MTUS2: variants seen among roughly 807,000 people sequenced by gnomAD.
MTUS2 encodes microtubule associated scaffold protein 2.
In MTUS2, 40 loss-of-function variants were observed where a neutral mutation model predicts 114.1. That is an observed-to-expected ratio of 0.35 (90% CI 0.27 to 0.46). The LOEUF is 0.46. Ranked by LOEUF, MTUS2 falls within the 20% of genes least tolerant of loss-of-function variation. The pLI, the probability that MTUS2 is intolerant of heterozygous loss-of-function variation, is 1.00. For missense variants in MTUS2, 1,679 were observed against 1,705.4 expected (o/e 0.98, Z 0.27); for synonymous variants, 688 against 672.0 (o/e 1.02, Z -0.37).
At chr13:29,014,888 G>C (rs1214941618) in intron 2 of MTUS2, among the ~76,000 whole-genome samples, 2 of 152,212 alleles carry the variant, frequency 1.3e-5, no homozygotes, top group African/African-American at 4.8e-5. Context: ...AAGTCCGGGA[G>C]CATGGTAGGA....
At chr13:29,417,586 G>A (rs1875759400) in intron 8 of MTUS2, among the ~76,000 whole-genome samples, 1 of 151,782 alleles carries the variant, frequency 6.6e-6, no homozygotes, top group Non-Finnish European at 1.5e-5. Context: ...CTTACTCTGG[G>A]CACCTTGTAA....
At chr13:28,935,018 T>G (rs903106907) in intron 2 of MTUS2, among the ~76,000 whole-genome samples, 8 of 145,896 alleles carry the variant, frequency 5.5e-5, no homozygotes, top group Non-Finnish European at 9.0e-5. Flanking sequence ...TTTTTTTTTT[T>G]TTTTTTTTTT....
At position 29,262,421 on chromosome 13, in the gene MTUS2, A is replaced by G. The variant is rs148921084; in HGVS notation, c.2645-19283A>G. ...TATTTCCCCTGTTTCCTGAAAAGAA[A>G]TAAGAAAGATGACTCTTTTTGTCAT... On this transcript the variant is annotated intron_variant, in intron 5 of 15. Transcript: ENST00000612955. Among the ~76,000 whole-genome samples the G allele has an allele frequency of 4.2e-3, 645 of 152,252 alleles. 4 individuals are homozygous for G. Among genetic ancestry groups the G allele is most frequent in the African/African-American group, 0.015 (625 of 41,528 alleles).
intron 2 of MTUS2, among the ~76,000 whole-genome samples, chr13:28,967,569 C>G (rs1436596882): frequency 6.6e-6 from 1 of 152,184 alleles, no homozygotes; most frequent in East Asian, 1.9e-4. Flanking sequence ...AAGCTTCTAT[C>G]AAGTTGTTGG....
chr13:29,419,697 G>C (rs1015416526), intron 8 of MTUS2, among the ~76,000 whole-genome samples: 7 of 152,186 alleles, frequency 4.6e-5, no homozygotes, highest in Non-Finnish European at 8.8e-5. Context: ...TTTTGTGTTT[G>C]AGTTTCAGCA....
At chr13:29,060,388 T>C (rs1257001317) in intron 4 of MTUS2, among the ~76,000 whole-genome samples, 2 of 151,718 alleles carry the variant, frequency 1.3e-5, no homozygotes, top group Non-Finnish European at 2.9e-5. Flanking sequence ...TCTCACTCAC[T>C]CACTCTTTCC....
chr13:29,056,668 A>AT (rs1278472938), intron 4 of MTUS2, among the ~76,000 whole-genome samples: 3 of 151,392 alleles, frequency 2.0e-5, no homozygotes, highest in Admixed American at 1.3e-4. Context: ...CCCCTTTATC[A>AT]TTTCTTGTTG....
At chr13:28,977,518 C>A (rs142246555) in intron 2 of MTUS2, among the ~76,000 whole-genome samples, 1 of 152,108 alleles carries the variant, frequency 6.6e-6, no homozygotes, top group Non-Finnish European at 1.5e-5. Flanking sequence ...ATATAACCTA[C>A]GAGGTAATTG....
intron 8 of MTUS2, among the ~76,000 whole-genome samples, chr13:29,438,579 C>T (rs1335287015): frequency 1.3e-5 from 2 of 152,020 alleles, no homozygotes; most frequent in African/African-American, 2.4e-5. Context: ...AGGGCTCCAC[C>T]CTCATGACCT....
chr13:29,429,880 A>G (rs1876858667), intron 8 of MTUS2, among the ~76,000 whole-genome samples: 1 of 152,224 alleles, frequency 6.6e-6, no homozygotes, highest in African/African-American at 2.4e-5. Flanking sequence ...CTTAGTTACC[A>G]GTCTGCTTAT....
At chr13:29,241,902 G>C (rs1566086465) in intron 5 of MTUS2, among the ~76,000 whole-genome samples, 1 of 152,100 alleles carries the variant, frequency 6.6e-6, no homozygotes, top group Non-Finnish European at 1.5e-5. Flanking sequence ...TCTGAGAGGT[G>C]TGCTGTAGTT....
intron 8 of MTUS2, among the ~76,000 whole-genome samples, chr13:29,432,060 C>T (rs1877038325): frequency 6.7e-6 from 1 of 148,480 alleles, no homozygotes; most frequent in Admixed American, 6.7e-5. Context: ...GCTATATTGC[C>T]CAAGTTTGTC....
chr13:29,389,508 CGTGTGT>C (rs1233462818), intron 8 of MTUS2, among the ~76,000 whole-genome samples: 5 of 69,612 alleles, frequency 7.2e-5, no homozygotes, highest in Non-Finnish European at 1.5e-4. Context: ...TATGTATACA[CGTGTGT>C]GTATGTGTAT....
intron 2 of MTUS2, among the ~76,000 whole-genome samples, chr13:28,908,061 A>AG: frequency 6.6e-6 from 1 of 151,576 alleles, no homozygotes; most frequent in South Asian, 2.1e-4. Flanking sequence ...GGTTTATCCC[A>AG]TTTGGAATCC....
intron 5 of MTUS2, among the ~76,000 whole-genome samples, chr13:29,216,373 G>A (rs1018124112): frequency 6.6e-6 from 1 of 152,158 alleles, no homozygotes; most frequent in Non-Finnish European, 1.5e-5. Flanking sequence ...CCCTTTCCAG[G>A]GGGAGTGAAT....
At chr13:29,385,074 G>C (rs560311790) in intron 8 of MTUS2, among the ~76,000 whole-genome samples, 1 of 152,332 alleles carries the variant, frequency 6.6e-6, no homozygotes, top group Admixed American at 6.5e-5. Flanking sequence ...CCAGAGTTCA[G>C]CAGGGAGCAA....
chr13:29,194,968 C>A (rs1195341516), intron 5 of MTUS2, among the ~76,000 whole-genome samples: 1 of 149,890 alleles, frequency 6.7e-6, no homozygotes, highest in Non-Finnish European at 1.5e-5. Context: ...AATTGGAAAT[C>A]ATCATTCTCA....
At chr13:29,479,544 A>G (rs895700773) in intron 9 of MTUS2, among the ~76,000 whole-genome samples, 3 of 152,284 alleles carry the variant, frequency 2.0e-5, no homozygotes, top group East Asian at 3.9e-4. Context: ...AGAGATACCG[A>G]GTAGAAAACT....
At chr13:28,855,847 A>G (rs1418964725) in intron 2 of MTUS2, among the ~76,000 whole-genome samples, 1 of 152,206 alleles carries the variant, frequency 6.6e-6, no homozygotes, top group Non-Finnish European at 1.5e-5. Flanking sequence ...AGGGATCACC[A>G]TCCTGTCTTC....
Sources: allele counts gnomAD v4.1 joint callset (sites outside exome capture counted in the v4.1 genomes callset), GRCh38; gene constraint gnomAD v4.1.1; transcripts MANE v1.5; gene names NCBI Gene and HGNC (gene_info 2026-07-23, HGNC 2026-07-21).